ANO4: variants seen among roughly 807,000 people sequenced by gnomAD.
ANO4 encodes the protein anoctamin 4.
In ANO4, 69 loss-of-function variants were observed where a neutral mutation model predicts 141.9. That is an observed-to-expected ratio of 0.49 (90% CI 0.40 to 0.59). The LOEUF is 0.59. Ranked by LOEUF, ANO4 falls within the 20% of genes least tolerant of loss-of-function variation. The pLI is 0.00. For missense variants in ANO4, 894 were observed against 1,162.2 expected (o/e 0.77, Z 3.36); for synonymous variants, 350 against 394.3 (o/e 0.89, Z 1.33).
chr12:100,922,216 A>G lies in ANO4; in HGVS notation c.56-10A>G. 6.6e-7 allele frequency: 1 copy of G among 1,523,354 alleles called. No homozygotes were observed. The highest frequency in any genetic ancestry group is 8.8e-7 in the Non-Finnish European group (1 of 1,141,360). 94.4% of individuals were successfully genotyped at this position (1,523,354 alleles called of 1,614,324 possible). A position where few individuals can be genotyped will look rare whatever the true frequency, so the allele number is the denominator to read the frequency against. ...AGTGCAAACTCCATGAATATCTTTCATTTCTCTAGAAGGAGGTGTGGATTT... is the reference window on the plus strand; with the variant it reads ...AGTGCAAACTCCATGAATATCTTTCGTTTCTCTAGAAGGAGGTGTGGATTT... On this transcript the variant is annotated splice_polypyrimidine_tract_variant and intron_variant, in intron 2 of 27. Transcript: ENST00000392977.
chr12:100,869,612 GC>G (rs1460699443), intron 1 of ANO4, among the ~76,000 whole-genome samples: 3 of 152,166 alleles, frequency 2.0e-5, no homozygotes, highest in African/African-American at 7.2e-5. Flanking sequence ...CTTTTGTTAG[GC>G]TCTGAGCTTT....
intron 1 of ANO4, among the ~76,000 whole-genome samples, chr12:100,847,487 T>TTTTTG (rs398070170): frequency 7.1e-6 from 1 of 141,070 alleles, no homozygotes; most frequent in African/African-American, 2.5e-5. Flanking sequence ...TTTTTTTTTT[T>TTTTTG]TTGAGGTGGA....
intron 1 of ANO4, among the ~76,000 whole-genome samples, chr12:100,849,636 A>G (rs1167009097): frequency 6.6e-6 from 1 of 152,152 alleles, no homozygotes; most frequent in Non-Finnish European, 1.5e-5. Flanking sequence ...AATTCATTTT[A>G]CTAGTCCATT....
intron 1 of ANO4, among the ~76,000 whole-genome samples, chr12:100,810,440 G>A (rs969845807): frequency 3.3e-5 from 5 of 152,090 alleles, no homozygotes; most frequent in African/African-American, 1.2e-4. Flanking sequence ...GGGAGCCAGG[G>A]CATTATTTTT....
At chr12:100,809,386 CAAA>C (rs113154732) in intron 1 of ANO4, among the ~76,000 whole-genome samples, 1 of 137,452 alleles carries the variant, frequency 7.3e-6, no homozygotes. Context: ...GATTCTGTCT[CAAA>C]AAAAAAAAAA....
intron 8 of ANO4, among the ~76,000 whole-genome samples, chr12:100,990,536 G>T (rs2045045772): frequency 6.6e-6 from 1 of 152,164 alleles, no homozygotes; most frequent in Non-Finnish European, 1.5e-5. Context: ...GTATTAATTT[G>T]TCAAATAATT....
At chr12:101,102,401 C>A (rs947413860) in intron 22 of ANO4, among the ~76,000 whole-genome samples, 1 of 152,102 alleles carries the variant, frequency 6.6e-6, no homozygotes, top group Admixed American at 6.6e-5. Flanking sequence ...CGTATTTTAG[C>A]CATTTGGGTT....
Position 101,089,710 on chromosome 12 carries a change from C to T in ANO4, c.1701+2886C>T, listed in dbSNP as rs2049671954. 2.0e-5 allele frequency among the ~76,000 whole-genome samples: 3 copies of T among 152,230 alleles called. No individual in the cohort carries two copies. In the South Asian group the frequency reaches 6.2e-4, roughly 32 times the overall value. On this transcript the variant is annotated intron_variant, in intron 17 of 27. Transcript: ENST00000392977. ...GGGCAAAGGCTTCATGACTAAAACA[C>T]CAAAAGCAATGGCAACAAAAGCCAA...
chr12:100,986,033 G>T (rs2044691374), intron 7 of ANO4, among the ~76,000 whole-genome samples: 1 of 152,136 alleles, frequency 6.6e-6, no homozygotes, highest in Non-Finnish European at 1.5e-5. Flanking sequence ...ATCCTCCCCA[G>T]TGCAGGTGGG....
intron 4 of ANO4, 111 bp downstream of exon 4, chr12:100,939,562 G>A: frequency 8.4e-7 from 1 of 1,191,354 alleles, no homozygotes; most frequent in Non-Finnish European, 1.1e-6. Flanking sequence ...GTAGGCTCTT[G>A]TAAAACAAGG....
chr12:101,055,453 C>T (rs1439382097), intron 14 of ANO4, among the ~76,000 whole-genome samples: 1 of 152,166 alleles, frequency 6.6e-6, no homozygotes, highest in Non-Finnish European at 1.5e-5. Flanking sequence ...TTTTCATGAG[C>T]TTATTTGCAA....
At chr12:100,775,487 C>T (rs1293213479) in intron 3 of ANO4, among the ~76,000 whole-genome samples, 9 of 152,164 alleles carry the variant, frequency 5.9e-5, no homozygotes, top group Admixed American at 5.9e-4. Flanking sequence ...GGTTGGGGAA[C>T]AGTGTTATCA....
intron 8 of ANO4, among the ~76,000 whole-genome samples, chr12:100,995,457 G>A (rs550396172): frequency 2.6e-5 from 4 of 152,314 alleles, no homozygotes; most frequent in African/African-American, 4.8e-5. Context: ...GAGGAATGAC[G>A]TGGTCTGACT....
At chr12:100,721,103 T>C (rs2030843165) in intron 1 of ANO4, among the ~76,000 whole-genome samples, 1 of 152,250 alleles carries the variant, frequency 6.6e-6, no homozygotes, top group Non-Finnish European at 1.5e-5. Flanking sequence ...GCTATGCTTG[T>C]ATAGTTAGCT....
At chr12:100,951,047 G>A (rs1706352919) in intron 5 of ANO4, among the ~76,000 whole-genome samples, 1 of 152,014 alleles carries the variant, frequency 6.6e-6, no homozygotes, top group East Asian at 1.9e-4. Flanking sequence ...TCACTTTGAG[G>A]GAGGACATAC....
intron 27 of ANO4, 37 bp downstream of exon 27, chr12:101,127,111 C>T (rs375423143): frequency 4.4e-5 from 69 of 1,572,462 alleles, no homozygotes; most frequent in East Asian, 3.2e-4. Context: ...GAGGCCATTC[C>T]GAGGTTGAAT....
chr12:100,964,830 G>A (rs2043581429), intron 5 of ANO4, among the ~76,000 whole-genome samples: 3 of 152,108 alleles, frequency 2.0e-5, no homozygotes, highest in Non-Finnish European at 2.9e-5. Context: ...ATCTAAAATA[G>A]CATCTCCTTC....
intron 1 of ANO4, among the ~76,000 whole-genome samples, chr12:100,860,169 T>C (rs1319310909): frequency 6.6e-6 from 1 of 152,158 alleles, no homozygotes; most frequent in Non-Finnish European, 1.5e-5. Context: ...GATGATACAT[T>C]TGCATGTAAA....
chr12:100,817,022 C>T (rs1020363260), intron 1 of ANO4, among the ~76,000 whole-genome samples: 2 of 151,634 alleles, frequency 1.3e-5, no homozygotes, highest in Non-Finnish European at 3.0e-5. Context: ...TGGGGAATGA[C>T]TTAGGAACAG....
Sources: gnomAD v4.1 joint callset for allele counts (sites outside exome capture counted in the v4.1 genomes callset) on GRCh38, gnomAD v4.1.1 for gene constraint, MANE v1.5 for transcripts, NCBI Gene and HGNC (gene_info 2026-07-23, HGNC 2026-07-21) for gene names.